Variants in XKR4 observed in about 807,000 individuals in gnomAD.
XKR4 encodes the protein XK related 4.
Under a neutral mutation model 53.9 loss-of-function variants are expected in XKR4, and 12 were observed. The ratio of observed to expected loss-of-function variants is 0.22; its 90% CI spans 0.14 to 0.36. The LOEUF (loss-of-function observed/expected upper bound fraction) is 0.36. Ranked by LOEUF, XKR4 falls within the 10% of genes least tolerant of loss-of-function variation. The probability of loss-of-function intolerance (pLI) is 1.00; values close to 1 mark genes in which losing one functional copy is unlikely to be tolerated. For missense variants in XKR4, 799 were observed against 859.5 expected (o/e 0.93, Z 0.88); for synonymous variants, 354 against 362.4 (o/e 0.98, Z 0.26).
intron 2 of XKR4, among the ~76,000 whole-genome samples, chr8:55,422,705 A>G (rs543647043): frequency 6.6e-6 from 1 of 152,364 alleles, no homozygotes; most frequent in Admixed American, 6.5e-5. Flanking sequence ...ATAGCATGAG[A>G]AACTTCAAGC....
At chr8:55,396,497 G>A (rs1402590665) in intron 2 of XKR4, among the ~76,000 whole-genome samples, 1 of 139,868 alleles carries the variant, frequency 7.1e-6, no homozygotes, top group East Asian at 2.2e-4. Context: ...CTAAAGGGAA[G>A]AGAGGAATGT....
chr8:55,487,303 T>C (rs1016840072), intron 2 of XKR4, among the ~76,000 whole-genome samples: 1 of 152,142 alleles, frequency 6.6e-6, no homozygotes, highest in Admixed American at 6.5e-5. Flanking sequence ...TCACATTCTT[T>C]ATTTGTTCTC....
Position 55,516,582 on chromosome 8 carries a change from T to C in XKR4, c.1007-6699T>C, listed in dbSNP as rs200158053. 1.4e-4 allele frequency among the ~76,000 whole-genome samples: 21 copies of C among 152,314 alleles called. No homozygotes were observed. The East Asian group carries it at 4.0e-3, about 29-fold the overall frequency. ...GGAAATGATATGAGAAAAGCTACTG[T>C]ATGGCAAATGTACTCATTCATTAAA... On this transcript the variant is annotated intron_variant, in intron 2 of 2. Transcript: ENST00000327381.
chr8:55,235,814 C>A (rs1315959848), intron 1 of XKR4, among the ~76,000 whole-genome samples: 1 of 152,148 alleles, frequency 6.6e-6, no homozygotes, highest in African/African-American at 2.4e-5. Flanking sequence ...CAAAAAAGCC[C>A]ATGACTGCTG....
At chr8:55,410,632 C>T in intron 2 of XKR4, among the ~76,000 whole-genome samples, 1 of 151,998 alleles carries the variant, frequency 6.6e-6, no homozygotes, top group Non-Finnish European at 1.5e-5. Flanking sequence ...CTCTGCTCCC[C>T]ATCCGTCCCC....
intron 1 of XKR4, among the ~76,000 whole-genome samples, chr8:55,149,568 C>T (rs567587008): frequency 5.9e-5 from 9 of 152,174 alleles, no homozygotes; most frequent in African/African-American, 2.2e-4. Context: ...CTTGGCAGCA[C>T]GGGGATGGTT....
Position 55,295,308 on chromosome 8 carries a change from C to A in XKR4, c.807-62370C>A, listed in dbSNP as rs944173231. Among the ~76,000 whole-genome samples the A allele has an allele frequency of 3.9e-5, 6 of 152,150 alleles. 1 individual carries two copies. Among genetic ancestry groups the A allele is most frequent in the Admixed American group, 1.3e-4 (2 of 15,278 alleles). On this transcript the variant is annotated intron_variant, in intron 1 of 2. Transcript: ENST00000327381. ...ATGAGAAGGCACAGAAAAAGGGGAT[C>A]ATTTCCAGCTGAGGACATCAGAGAA...
intron 2 of XKR4, among the ~76,000 whole-genome samples, chr8:55,514,248 CTTT>C (rs71256544): frequency 2.2e-4 from 24 of 108,866 alleles, no homozygotes; most frequent in South Asian, 3.3e-4. Context: ...TGCTGGGATT[CTTT>C]TTTTTTTTTT....
chr8:55,251,592 A>G (rs1357913427), intron 1 of XKR4, among the ~76,000 whole-genome samples: 1 of 152,234 alleles, frequency 6.6e-6, no homozygotes, highest in African/African-American at 2.4e-5. Flanking sequence ...AAGATTTGGA[A>G]GCTTAATGAA....
At chr8:55,222,960 G>C (rs1270502187) in intron 1 of XKR4, among the ~76,000 whole-genome samples, 2 of 152,120 alleles carry the variant, frequency 1.3e-5, no homozygotes, top group East Asian at 3.8e-4. Flanking sequence ...GGTTGAGTTG[G>C]CTCCAGTCAC....
intron 1 of XKR4, among the ~76,000 whole-genome samples, chr8:55,308,647 T>A (rs1001539295): frequency 4.6e-5 from 7 of 152,124 alleles, no homozygotes; most frequent in African/African-American, 1.7e-4. Flanking sequence ...ACAATCTGAA[T>A]CTTGAGTATT....
At chr8:55,278,779 C>T (rs1487902703) in intron 1 of XKR4, among the ~76,000 whole-genome samples, 2 of 152,076 alleles carry the variant, frequency 1.3e-5, no homozygotes, top group African/African-American at 4.8e-5. Flanking sequence ...TAAAAATTGG[C>T]CTGCACTTCT....
intron 2 of XKR4, among the ~76,000 whole-genome samples, chr8:55,492,645 A>G (rs1806287459): frequency 6.6e-6 from 1 of 152,252 alleles, no homozygotes; most frequent in South Asian, 2.1e-4. Flanking sequence ...AGATAAACAC[A>G]TTAATTCTTC....
intron 2 of XKR4, among the ~76,000 whole-genome samples, chr8:55,383,967 A>G (rs968299310): frequency 2.6e-5 from 4 of 152,178 alleles, no homozygotes; most frequent in Non-Finnish European, 4.4e-5. Flanking sequence ...ATTTTAATAT[A>G]TTATTAGTAA....
intron 1 of XKR4, among the ~76,000 whole-genome samples, chr8:55,296,217 G>A (rs183750487): frequency 6.6e-6 from 1 of 152,178 alleles, no homozygotes; most frequent in African/African-American, 2.4e-5. Flanking sequence ...GGAGAGGTGG[G>A]GGCATATTCT....
chr8:55,216,182 G>A (rs934173176), intron 1 of XKR4, among the ~76,000 whole-genome samples: 1 of 152,180 alleles, frequency 6.6e-6, no homozygotes, highest in African/African-American at 2.4e-5. Flanking sequence ...TCTACAAATT[G>A]ATCAAGGAAA....
chr8:55,282,282 G>A (rs542348275), intron 1 of XKR4, among the ~76,000 whole-genome samples: 2 of 152,232 alleles, frequency 1.3e-5, no homozygotes, highest in East Asian at 3.9e-4. Context: ...CCATCATATG[G>A]TCACAGCACA....
At chr8:55,189,900 A>T (rs1817423042) in intron 1 of XKR4, among the ~76,000 whole-genome samples, 1 of 152,218 alleles carries the variant, frequency 6.6e-6, no homozygotes, top group African/African-American at 2.4e-5. Flanking sequence ...CACGACAGGC[A>T]CTTCTGTCAC....
rs567803386 is a variant in XKR4 at position 55,384,045 on chromosome 8, C to T, written c.1006+26168C>T. Among the ~76,000 whole-genome samples the T allele has an allele frequency of 2.2e-3, 329 of 152,288 alleles. 1 individual carries two copies. The highest frequency in any genetic ancestry group is 3.0e-3 in the Non-Finnish European group (205 of 68,020). On this transcript the variant is annotated intron_variant, in intron 2 of 2. Transcript: ENST00000327381. The stretch of plus-strand genomic sequence containing the variant: ...CTCCCTTTTGAGTTGTCCTAGGTAT[C>T]GTCGCATCATTTTTGGACACACAGA...
Sources: gnomAD v4.1 joint callset for allele counts (sites outside exome capture counted in the v4.1 genomes callset) on GRCh38, gnomAD v4.1.1 for gene constraint, MANE v1.5 for transcripts, NCBI Gene and HGNC (gene_info 2026-07-23, HGNC 2026-07-21) for gene names.